NR2F1-AS1: variants seen among roughly 807,000 people sequenced by gnomAD.
NR2F1-AS1 encodes NR2F1 antisense RNA 1.
intron 4 of NR2F1-AS1, among the ~76,000 whole-genome samples, chr5:93,415,936 TA>T (rs1313231171): frequency 6.6e-6 from 1 of 152,186 alleles, no homozygotes; most frequent in Non-Finnish European, 1.5e-5. Context: ...GAGCACTTAA[TA>T]AACACACACC....
intron 4 of NR2F1-AS1, among the ~76,000 whole-genome samples, chr5:93,511,096 G>A (rs911362883): frequency 6.6e-5 from 10 of 151,934 alleles, no homozygotes; most frequent in African/African-American, 2.4e-4. Flanking sequence ...ATTTGAATGG[G>A]GCCACAGAGT....
chr5:93,463,898 G>A (rs538028289), intron 4 of NR2F1-AS1, among the ~76,000 whole-genome samples: 228 of 152,262 alleles, frequency 1.5e-3, no homozygotes, highest in African/African-American at 4.8e-3. Context: ...GATTTTACAG[G>A]CTCATAGGCA....
intron 4 of NR2F1-AS1, among the ~76,000 whole-genome samples, chr5:93,468,003 C>T (rs1453947961): frequency 6.6e-6 from 1 of 152,208 alleles, no homozygotes; most frequent in Admixed American, 6.5e-5. Flanking sequence ...TTTATGGCTG[C>T]ATAGTATTCC....
intron 4 of NR2F1-AS1, among the ~76,000 whole-genome samples, chr5:93,463,167 C>T (rs1285941081): frequency 6.6e-6 from 1 of 152,214 alleles, no homozygotes; most frequent in Non-Finnish European, 1.5e-5. Flanking sequence ...CAGGGCCCCC[C>T]TGCTGTATGC....
At chr5:93,534,545 C>T (rs1187157656) in intron 4 of NR2F1-AS1, among the ~76,000 whole-genome samples, 4 of 152,072 alleles carry the variant, frequency 2.6e-5, no homozygotes, top group African/African-American at 9.7e-5. Context: ...GAAAATAAAT[C>T]CCATTTTCCA....
At chr5:93,497,104 A>C (rs541969563) in intron 4 of NR2F1-AS1, among the ~76,000 whole-genome samples, 1 of 150,926 alleles carries the variant, frequency 6.6e-6, no homozygotes, top group Non-Finnish European at 1.5e-5. Context: ...TTTTTTTTTC[A>C]GTTAATTCCT....
intron 1 of NR2F1-AS1, among the ~76,000 whole-genome samples, chr5:93,568,710 C>T (rs928870755): frequency 1.3e-5 from 2 of 151,962 alleles, no homozygotes; most frequent in Non-Finnish European, 2.9e-5. Context: ...CAATTCCTGG[C>T]TATGCTGATG....
chr5:93,468,314 G>C (rs1226148069), intron 4 of NR2F1-AS1, among the ~76,000 whole-genome samples: 4 of 152,132 alleles, frequency 2.6e-5, no homozygotes, highest in African/African-American at 4.8e-5. Flanking sequence ...CCAGCATGTT[G>C]TTTCCTGACT....
intron 4 of NR2F1-AS1, among the ~76,000 whole-genome samples, chr5:93,453,112 A>G (rs2149858572): frequency 6.6e-6 from 1 of 152,302 alleles, no homozygotes; most frequent in African/African-American, 2.4e-5. Flanking sequence ...AACATGTTGA[A>G]GAAATAATGA....
chr5:93,472,173 T>A (rs1750380494), intron 4 of NR2F1-AS1, among the ~76,000 whole-genome samples: 1 of 151,802 alleles, frequency 6.6e-6, no homozygotes, highest in African/African-American at 2.4e-5. Context: ...CTTAATGATA[T>A]CAATGAAGGA....
chr5:93,413,331 A>G (rs552680116), intron 4 of NR2F1-AS1, among the ~76,000 whole-genome samples: 1 of 151,918 alleles, frequency 6.6e-6, no homozygotes, highest in Non-Finnish European at 1.5e-5. Context: ...GGAGGAAAAG[A>G]CACAAAGTGA....
chr5:93,463,109 C>G (rs1453426512), intron 4 of NR2F1-AS1, among the ~76,000 whole-genome samples: 1 of 152,180 alleles, frequency 6.6e-6, no homozygotes, highest in Non-Finnish European at 1.5e-5. Context: ...CCCCACCCAT[C>G]ACAGGCCCAG....
intron 1 of NR2F1-AS1, among the ~76,000 whole-genome samples, chr5:93,578,532 GAA>G (rs1561516261): frequency 6.6e-6 from 1 of 152,136 alleles, no homozygotes; most frequent in East Asian, 1.9e-4. Context: ...CCGCCAAACC[GAA>G]AGAGAGACCC....
At chr5:93,459,986 A>G (rs1750054405) in intron 4 of NR2F1-AS1, among the ~76,000 whole-genome samples, 1 of 152,210 alleles carries the variant, frequency 6.6e-6, no homozygotes, top group African/African-American at 2.4e-5. Context: ...TCAAATTTTT[A>G]TGTGAATTTT....
intron 4 of NR2F1-AS1, among the ~76,000 whole-genome samples, chr5:93,441,268 A>G (rs1749562771): frequency 6.6e-6 from 1 of 152,206 alleles, no homozygotes; most frequent in Non-Finnish European, 1.5e-5. Context: ...TTTGCCCACT[A>G]TCCTTTCCAA....
intron 1 of NR2F1-AS1, among the ~76,000 whole-genome samples, chr5:93,564,669 TA>T (rs1752575619): frequency 6.6e-6 from 1 of 152,096 alleles, no homozygotes; most frequent in Non-Finnish European, 1.5e-5. Context: ...ATAAACTACA[TA>T]AAAAAGGAAA....
intron 4 of NR2F1-AS1, among the ~76,000 whole-genome samples, chr5:93,467,122 G>A (rs1750256065): frequency 6.6e-6 from 1 of 152,010 alleles, no homozygotes; most frequent in Admixed American, 6.6e-5. Flanking sequence ...GGCTGGTCTT[G>A]AACTCTTGAC....
chr5:93,449,274 C>T (rs892476362), intron 4 of NR2F1-AS1, among the ~76,000 whole-genome samples: 19 of 152,092 alleles, frequency 1.2e-4, no homozygotes, highest in African/African-American at 4.3e-4. Context: ...TTGAAGCCAT[C>T]ATAAAGTAGA....
intron 4 of NR2F1-AS1, among the ~76,000 whole-genome samples, chr5:93,427,954 G>A (rs535197803): frequency 6.6e-6 from 1 of 152,098 alleles, no homozygotes; most frequent in South Asian, 2.1e-4. Context: ...GAGGGAGCGA[G>A]GGAGGATGAA....
Sources: gnomAD v4.1 joint callset for allele counts (sites outside exome capture counted in the v4.1 genomes callset) on GRCh38, gnomAD v4.1.1 for gene constraint, MANE v1.5 for transcripts, NCBI Gene and HGNC (gene_info 2026-07-23, HGNC 2026-07-21) for gene names.